The following ANO4 variants were observed in gnomAD, a reference collection of about 807,000 sequenced individuals.
The protein encoded by ANO4 is anoctamin-4.
ANO4 carries 69 observed loss-of-function variants against 141.9 expected under a neutral mutation model. The observed-to-expected ratio is 0.49, with a 90% confidence interval of 0.40 to 0.59. The LOEUF (loss-of-function observed/expected upper bound fraction) is 0.59, where lower values mean the gene tolerates loss of function less well. Among genes scored for constraint, ANO4 ranks in the 20% least tolerant of loss-of-function variants. The pLI is 0.00. For missense variants in ANO4, 894 were observed against 1,162.2 expected (o/e 0.77, Z 3.36); for synonymous variants, 350 against 394.3 (o/e 0.89, Z 1.33).
At chr12:100,780,689 A>G (rs2033686049) in intron 3 of ANO4, among the ~76,000 whole-genome samples, 1 of 152,114 alleles carries the variant, frequency 6.6e-6, no homozygotes, top group Non-Finnish European at 1.5e-5. Context: ...TTTGATCAAT[A>G]GAGTCCTGAC....
chr12:100,761,573 T>C (rs1388843360), intron 3 of ANO4, among the ~76,000 whole-genome samples: 1 of 152,170 alleles, frequency 6.6e-6, no homozygotes, highest in African/African-American at 2.4e-5. Context: ...CTTAAAGACT[T>C]AGCACCCAGG....
intron 12 of ANO4, among the ~76,000 whole-genome samples, chr12:101,043,291 T>C (rs975643788): frequency 1.3e-5 from 2 of 152,230 alleles, no homozygotes; most frequent in Non-Finnish European, 2.9e-5. Flanking sequence ...CAATCAATGT[T>C]TGGCTTCATG....
intron 2 of ANO4, chr12:100,739,720 T>C: frequency 1.6e-6 from 1 of 629,072 alleles, no homozygotes; most frequent in Admixed American, 2.3e-5. Context: ...TGCCTGCCTG[T>C]TTATTATGAA....
At chr12:101,041,602 G>A (rs2047413495) in intron 11 of ANO4, among the ~76,000 whole-genome samples, 1 of 152,072 alleles carries the variant, frequency 6.6e-6, no homozygotes, top group Non-Finnish European at 1.5e-5. Context: ...AGTACTATTG[G>A]CAAAGCCAAA....
At position 101,086,080 on chromosome 12, in the gene ANO4, C is replaced by CTGTGTGTGTGTG. The variant is rs56891905; in HGVS notation, c.1537-546_1537-535dup. On this transcript the variant is annotated intron_variant, in intron 16 of 27. Transcript: ENST00000392977. Reference sequence around the variant, plus strand: ...GAAGGATGAGTAGGTGTTAACTAGGCTGTGTGTGTGTGTGTGTGTGTGTGT... The same window carrying CTGTGTGTGTGTG: ...GAAGGATGAGTAGGTGTTAACTAGGCTGTGTGTGTGTGTGTGTGTGTGTGTGTGTGTGTGTGT... Among the ~76,000 whole-genome samples, 376 of 131,802 alleles carry CTGTGTGTGTGTG rather than the reference C, an allele frequency of 2.9e-3. 2 individuals are homozygous for CTGTGTGTGTGTG. Among genetic ancestry groups the CTGTGTGTGTGTG allele is most frequent in the Non-Finnish European group, 4.5e-3 (278 of 61,700 alleles). The allele number at this position is 131,802 out of a possible 152,430, so 86.5% of individuals were successfully genotyped here.
intron 3 of ANO4, among the ~76,000 whole-genome samples, chr12:100,787,885 G>C (rs565490685): frequency 6.6e-6 from 1 of 152,326 alleles, no homozygotes; most frequent in South Asian, 2.1e-4. Context: ...AAAAAGCTTG[G>C]ATTTGGTATT....
intron 14 of ANO4, among the ~76,000 whole-genome samples, chr12:101,071,351 AAG>A (rs2048803668): frequency 6.6e-6 from 1 of 151,848 alleles, no homozygotes; most frequent in Non-Finnish European, 1.5e-5. Context: ...AAAAAAAAAA[AAG>A]AGAATGACAT....
intron 1 of ANO4, among the ~76,000 whole-genome samples, chr12:100,832,775 A>G (rs2036696082): frequency 6.6e-6 from 1 of 152,160 alleles, no homozygotes; most frequent in African/African-American, 2.4e-5. Context: ...CACAATGGAA[A>G]GGAACTCACC....
intron 1 of ANO4, among the ~76,000 whole-genome samples, chr12:100,834,579 G>A (rs553181009): frequency 4.7e-4 from 71 of 152,178 alleles, no homozygotes; most frequent in Non-Finnish European, 7.6e-4. Flanking sequence ...TATCTGAGGT[G>A]CCGTGTATAT....
At chr12:100,755,094 C>T (rs1202960841) in intron 3 of ANO4, among the ~76,000 whole-genome samples, 3 of 152,146 alleles carry the variant, frequency 2.0e-5, no homozygotes, top group African/African-American at 7.2e-5. Context: ...CTGCAAAACC[C>T]ATCAATGATC....
intron 1 of ANO4, among the ~76,000 whole-genome samples, chr12:100,842,975 T>G (rs2135817970): frequency 6.6e-6 from 1 of 152,256 alleles, no homozygotes; most frequent in South Asian, 2.1e-4. Flanking sequence ...TTTCACAAAC[T>G]CCAGGATGAC....
intron 14 of ANO4, among the ~76,000 whole-genome samples, chr12:101,075,592 C>T (rs1283182397): frequency 2.7e-5 from 4 of 150,036 alleles, no homozygotes; most frequent in Admixed American, 6.6e-5. Context: ...AAAAGAAATA[C>T]ACTTTTTAAT....
chr12:101,092,830 A>C (rs2049833330), intron 17 of ANO4, among the ~76,000 whole-genome samples: 1 of 152,214 alleles, frequency 6.6e-6, no homozygotes, highest in South Asian at 2.1e-4. Flanking sequence ...ACTGTGACCT[A>C]CACATCATTG....
At chr12:100,942,302 T>C in intron 4 of ANO4, 75 bp from the exon 5 acceptor site, 1 of 1,517,482 alleles carries the variant, frequency 6.6e-7, no homozygotes, top group Non-Finnish European at 8.9e-7. Context: ...TTAGTTTTAA[T>C]TGTTCTTTAA....
chr12:100,959,085 T>A (rs916142003), intron 5 of ANO4, among the ~76,000 whole-genome samples: 2 of 151,174 alleles, frequency 1.3e-5, no homozygotes, highest in Admixed American at 1.3e-4. Context: ...CTGTTTTCTC[T>A]GCACCCTCAT....
At chr12:101,088,297 T>G (rs1317022371) in intron 17 of ANO4, among the ~76,000 whole-genome samples, 1 of 152,118 alleles carries the variant, frequency 6.6e-6, no homozygotes, top group African/African-American at 2.4e-5. Context: ...CTCCTTCCAG[T>G]CTTTGTTCAA....
At chr12:100,789,305 C>T (rs962462553) in intron 3 of ANO4, among the ~76,000 whole-genome samples, 14 of 152,170 alleles carry the variant, frequency 9.2e-5, no homozygotes, top group African/African-American at 3.1e-4. Context: ...CTTTCCACCT[C>T]ATCCTAACTG....
At chr12:100,753,761 T>C (rs2032488278) in intron 3 of ANO4, among the ~76,000 whole-genome samples, 1 of 152,234 alleles carries the variant, frequency 6.6e-6, no homozygotes, top group Admixed American at 6.5e-5. Flanking sequence ...TGAGAGATTT[T>C]AATGCGTAAA....
chr12:100,905,154 G>A (rs753618075), intron 2 of ANO4, among the ~76,000 whole-genome samples: 2 of 152,210 alleles, frequency 1.3e-5, no homozygotes, highest in Non-Finnish European at 2.9e-5. Context: ...GCAAGATCTT[G>A]TGGGTGGTAG....
Sources: gnomAD v4.1 joint callset for allele counts (sites outside exome capture counted in the v4.1 genomes callset) on GRCh38, gnomAD v4.1.1 for gene constraint, MANE v1.5 for transcripts, NCBI Gene and HGNC (gene_info 2026-07-23, HGNC 2026-07-21) for gene names.